Variants in HTT observed in about 807,000 individuals in gnomAD.
The protein encoded by HTT is huntington disease protein.
Under a neutral mutation model 362.3 loss-of-function variants are expected in HTT, and 104 were observed. The observed-to-expected ratio is 0.29, with a 90% CI of 0.24 to 0.34. The LOEUF is 0.34. Among genes scored for constraint, HTT ranks in the 10% least tolerant of loss-of-function variants. The pLI is 1.00. For synonymous variants in HTT, 1,577 were observed against 1,548.7 expected, an observed-to-expected ratio of 1.02 and a Z score of -0.43; for missense variants, 3,301 against 3,928.6, an observed-to-expected ratio of 0.84 and a Z score of 4.27.
chr4:3,175,454 A>G (rs1321741282), intron 33 of HTT, among the ~76,000 whole-genome samples: 3 of 152,200 alleles, frequency 2.0e-5, no homozygotes, highest in African/African-American at 7.2e-5. Flanking sequence ...ATTTTTGCAA[A>G]ATCTAGAGTT....
intron 37 of HTT, among the ~76,000 whole-genome samples, chr4:3,183,129 A>T (rs1482040193): frequency 6.6e-6 from 1 of 152,122 alleles, no homozygotes; most frequent in Non-Finnish European, 1.5e-5. Context: ...TGATCCACCA[A>T]CCTTGGCCTG....
At chr4:3,145,517 C>T (rs1301088117) in intron 24 of HTT, among the ~76,000 whole-genome samples, 1 of 152,152 alleles carries the variant, frequency 6.6e-6, no homozygotes, top group Non-Finnish European at 1.5e-5. Context: ...TTCTCATTAG[C>T]TTGACTCTTT....
In HTT at chr4:3,105,387, C is replaced by T; in HGVS notation, c.559C>T (p.Leu187=). The T allele has an allele frequency of 6.2e-7, 1 of 1,614,016 alleles. No homozygotes were observed. The highest frequency in any genetic ancestry group is 8.5e-7 in the Non-Finnish European group (1 of 1,179,920). Residue 187 remains leucine (L), a synonymous_variant, in exon 5 of 67, where the codon CTG becomes TTG. Coordinates refer to ENST00000355072, the MANE Select transcript of HTT (RefSeq NM_001388492.1). ...TGCCCCTCGGAGTTTGCGTGCTGCC[C>T]TGTGGAGGTTTGCTGAGCTGGCTCA... ...NGAPRSLRAA[L]WRFAELAHLV...
intron 26 of HTT, among the ~76,000 whole-genome samples, chr4:3,148,721 C>T (rs545362156): frequency 1.1e-4 from 17 of 152,338 alleles, no homozygotes; most frequent in Admixed American, 2.6e-4. Flanking sequence ...TGGCGTGAAT[C>T]CGGGAGGCGG....
rs149606153 is a variant in HTT, at chr4:3,138,603, A to G, written c.2799-1907A>G. Among the ~76,000 whole-genome samples, 301 of 152,224 alleles carry G rather than the reference A, an allele frequency of 2.0e-3. 2 individuals carry two copies. Among genetic ancestry groups the G allele is most frequent in the Non-Finnish European group, 3.2e-3 (216 of 68,000 alleles). On this transcript the variant is annotated intron_variant, in intron 21 of 66. Coordinates refer to ENST00000355072, the MANE Select transcript of HTT (RefSeq NM_001388492.1). The stretch of plus-strand genomic sequence containing the variant: ...ATCAGTTTTTTGGGCAGAAGTTGAT[A>G]CTTCTCTTTATTTATTTATTTTTTT...
intron 21 of HTT, among the ~76,000 whole-genome samples, chr4:3,137,543 A>G (rs1318905188): frequency 6.6e-6 from 1 of 152,176 alleles, no homozygotes; most frequent in Non-Finnish European, 1.5e-5. Context: ...TACTAAAAAT[A>G]CAAAAATTAG....
Position 3,199,905 on chromosome 4 carries a change from T to G in HTT, c.5542T>G (p.Tyr1848Asp). The G allele has an allele frequency of 1.2e-6, 2 of 1,614,120 alleles. No individual in the cohort carries two copies. Among genetic ancestry groups the G allele is most frequent in the Non-Finnish European group, 1.7e-6 (2 of 1,179,980 alleles). Residue 1848 changes from tyrosine to aspartate, a missense_variant, in exon 41 of 67, where the codon TAC becomes GAC. Physicochemically the swap from Tyr to Asp is radical, Grantham distance 160 (BLOSUM62 -3). Transcript: ENST00000355072. ...QILLLVNHTDYRWWAEVQQTP... is the reference protein window; with the variant it reads ...QILLLVNHTDDRWWAEVQQTP... ...ACTGCTGCTTGTCAACCACACCGAC[T>G]ACCGCTGGTGGGCAGAAGTGCAGCA...
At chr4:3,140,230 C>T (rs1349049046) in intron 21 of HTT, among the ~76,000 whole-genome samples, 18 of 148,760 alleles carry the variant, frequency 1.2e-4, no homozygotes, top group East Asian at 2.0e-4. Context: ...CATTGTACTC[C>T]GGCCTGGGCC....
intron 41 of HTT, among the ~76,000 whole-genome samples, chr4:3,201,529 CA>C (rs925357780): frequency 0.023 from 1,398 of 61,702 alleles, 4 homozygotes; most frequent in African/African-American, 0.06. Context: ...GACTCCATCT[CA>C]AAAAAAAAAA....
chr4:3,228,244 A>G lies in HTT; in HGVS notation c.7849-371A>G, dbSNP rs1464765796. Among the ~76,000 whole-genome samples the G allele has an allele frequency of 6.6e-6, 1 of 152,242 alleles. No individual in the cohort carries two copies. The highest frequency in any genetic ancestry group is 1.5e-5 in the Non-Finnish European group (1 of 68,042). ...CCTTGGGTTTACCGCAATGACTGCC[A>G]GTGCGGGAGACTGGAAAAGGAATCT... On this transcript the variant is annotated intron_variant, in intron 57 of 66. Coordinates refer to ENST00000355072, the MANE Select transcript of HTT (RefSeq NM_001388492.1). This position sits in a 1 kb window ranked among gnomAD's most constrained non-coding sequence, Gnocchi z 4.3.
rs1241627012 is a variant in HTT, at chr4:3,099,337, T to C, written c.411T>C (p.Asp137=). 3 of 1,613,908 alleles carry C rather than the reference T, an allele frequency of 1.9e-6. No individual in the cohort carries two copies. Among genetic ancestry groups the C allele is most frequent in the South Asian group, 1.1e-5 (1 of 91,078 alleles). The change falls in exon 3 of 67, where the codon GAT becomes GAC. Residue 137 remains aspartate (D), a synonymous_variant. Transcript: ENST00000355072. ...IAMELFLLCS[D]DAESDVRMVA... Reference sequence around the variant, plus strand: ...TGGAACTTTTTCTGCTGTGCAGTGATGACGCAGAGTCAGATGTCAGGATGG... The same window carrying C: ...TGGAACTTTTTCTGCTGTGCAGTGACGACGCAGAGTCAGATGTCAGGATGG...
At chr4:3,185,970 GAGGA>G (rs1230090084) in intron 37 of HTT, among the ~76,000 whole-genome samples, 1 of 151,952 alleles carries the variant, frequency 6.6e-6, no homozygotes, top group Non-Finnish European at 1.5e-5. Context: ...GAAGGGGAGG[GAGGA>G]AGGAAGAAAG....
At chr4:3,195,934 C>G (rs562080753) in intron 40 of HTT, among the ~76,000 whole-genome samples, 2 of 152,278 alleles carry the variant, frequency 1.3e-5, no homozygotes, top group South Asian at 4.1e-4. Context: ...GGTGACAGGT[C>G]ACAGCCCCAC....
intron 33 of HTT, among the ~76,000 whole-genome samples, chr4:3,176,323 G>A (rs1381335708): frequency 2.6e-5 from 4 of 152,190 alleles, no homozygotes; most frequent in African/African-American, 7.2e-5. Context: ...CACCGCGCCC[G>A]GCCTGGGGTC....
At chr4:3,111,672 T>C (rs1714759959) in intron 6 of HTT, among the ~76,000 whole-genome samples, 1 of 152,180 alleles carries the variant, frequency 6.6e-6, no homozygotes, top group African/African-American at 2.4e-5. Context: ...TTTTGTTTTC[T>C]GTGTGCATCT....
intron 1 of HTT, among the ~76,000 whole-genome samples, chr4:3,085,900 G>T (rs182460456): frequency 1.3e-5 from 2 of 152,230 alleles, no homozygotes; most frequent in Non-Finnish European, 2.9e-5. Context: ...GATCATCTTC[G>T]CCAGGCTGTT....
chr4:3,167,607 T>C (rs1717779560), intron 29 of HTT, among the ~76,000 whole-genome samples: 1 of 152,180 alleles, frequency 6.6e-6, no homozygotes, highest in South Asian at 2.1e-4. Flanking sequence ...CTGTCATATA[T>C]AGAAATGGCT....
chr4:3,173,229 A>G (rs1560579300), intron 31 of HTT, 98 bp downstream of exon 31: 1 of 885,322 alleles, frequency 1.1e-6, no homozygotes, highest in Non-Finnish European at 1.8e-6. Flanking sequence ...GTTAGCGAAC[A>G]TCTTCTAATA....
rs1050856729 is a variant in HTT at position 3,242,721 on chromosome 4, T to C, written c.*2662T>C. On this transcript the variant is annotated 3_prime_UTR_variant, in exon 67 of 67. Coordinates refer to ENST00000355072, the MANE Select transcript of HTT (RefSeq NM_001388492.1). ...TTTGTTGCAAATGTGATTAATTTGG[T>C]TGTCAAGTTTTGGGGGTGGGCTGTG... 1 of 152,182 alleles carries C rather than the reference T, an allele frequency of 6.6e-6. No individual in the cohort carries two copies. The highest frequency in any genetic ancestry group is 1.5e-5 in the Non-Finnish European group (1 of 68,034). 9.4% of individuals were successfully genotyped at this position (152,182 alleles called of 1,614,324 possible).
Sources: allele counts gnomAD v4.1 joint callset (sites outside exome capture counted in the v4.1 genomes callset), GRCh38; gene constraint gnomAD v4.1.1; non-coding constraint Gnocchi (gnomAD v3.1); transcripts MANE v1.5; gene names NCBI Gene and HGNC (gene_info 2026-07-23, HGNC 2026-07-21).